Variants in TBC1D9 observed in about 807,000 individuals in gnomAD.
The protein encoded by TBC1D9 is TBC1 domain family member 9A.
Under a neutral mutation model 132.0 loss-of-function variants are expected in TBC1D9, and 63 were observed. The ratio of observed to expected loss-of-function variants is 0.48; its 90% CI spans 0.39 to 0.59. The LOEUF (loss-of-function observed/expected upper bound fraction) is 0.59, where lower values mean the gene tolerates loss of function less well. TBC1D9 is among the 20% of genes least tolerant of loss of function. The pLI, the probability that TBC1D9 is intolerant of heterozygous loss-of-function variation, is 0.00. For synonymous variants in TBC1D9, 610 were observed against 609.9 expected, an observed-to-expected ratio of 1.00 and a Z score of 0.00; for missense variants, 1,261 against 1,592.7, an observed-to-expected ratio of 0.79 and a Z score of 3.54.
intron 1 of TBC1D9, among the ~76,000 whole-genome samples, chr4:140,745,670 A>G (rs1432167912): frequency 6.6e-6 from 1 of 152,194 alleles, no homozygotes; most frequent in Non-Finnish European, 1.5e-5. Context: ...TCAACTGTTA[A>G]TGTTATCAGT....
chr4:140,703,389 C>T lies in TBC1D9; in HGVS notation c.131-1775G>A, dbSNP rs568314146. 2.6e-5 allele frequency among the ~76,000 whole-genome samples: 4 copies of T among 152,348 alleles called. No homozygotes were observed. The South Asian group carries it at 8.3e-4, about 32-fold the overall frequency. ...TGCACAATGCCACTGAAATTCACTT[C>T]CCACTGCTCTGGCATCCTGGTGTCA... On this transcript the variant is annotated intron_variant, in intron 1 of 20. Transcript: ENST00000442267.
At chr4:140,713,036 A>G (rs1436718394) in intron 1 of TBC1D9, among the ~76,000 whole-genome samples, 9 of 152,234 alleles carry the variant, frequency 5.9e-5, no homozygotes, top group Admixed American at 5.9e-4. Context: ...GTAAGTGTGC[A>G]TTCATCTAAA....
Position 140,659,579 on chromosome 4 carries a change from T to C in TBC1D9, c.1921+9A>G. The C allele has an allele frequency of 6.4e-7, 1 of 1,562,580 alleles. No homozygotes were observed. The highest frequency in any genetic ancestry group is 8.7e-7 in the Non-Finnish European group (1 of 1,148,642). On this transcript the variant is annotated intron_variant, in intron 11 of 20. Transcript: ENST00000442267. The stretch of plus-strand genomic sequence containing the variant: ...CATAGGTTGAAATGTTAAATGCATC[T>C]CCACTTACCCACAACTCTGGTGTTG...
chr4:140,679,945 A>AAT, intron 3 of TBC1D9, 102 bp from the exon 4 acceptor site: 4 of 977,826 alleles, frequency 4.1e-6, no homozygotes, highest in Non-Finnish European at 5.8e-6. Flanking sequence ...TAAAAAAAAA[A>AAT]ATTGAGGAAT....
At chr4:140,643,753 G>T in intron 13 of TBC1D9, 1 of 1,106,892 alleles carries the variant, frequency 9.0e-7, no homozygotes, top group Non-Finnish European at 1.3e-6. Flanking sequence ...CATGCTTCAG[G>T]CCCCTCCGCA....
chr4:140,709,125 C>T (rs1383564334), intron 1 of TBC1D9, among the ~76,000 whole-genome samples: 1 of 152,014 alleles, frequency 6.6e-6, no homozygotes, highest in Non-Finnish European at 1.5e-5. Context: ...CTCTCAATTT[C>T]AATAGCTGCT....
At position 140,704,941 on chromosome 4, in the gene TBC1D9, T is replaced by C. The variant is rs369735180; in HGVS notation, c.131-3327A>G. 1.7e-4 allele frequency among the ~76,000 whole-genome samples: 26 copies of C among 152,294 alleles called. No homozygotes were observed. In the East Asian group the frequency reaches 3.9e-3, roughly 23 times the overall value. ...AGACTTGGATGAAAACTAACAGATA[T>C]ACATGTACGTAGCACAGGTACATGC... On this transcript the variant is annotated intron_variant, in intron 1 of 20. Coordinates refer to ENST00000442267, the MANE Select transcript of TBC1D9 (RefSeq NM_015130.3).
chr4:140,644,989 A>G, intron 13 of TBC1D9: 1 of 464,002 alleles, frequency 2.2e-6, no homozygotes. Flanking sequence ...AGCCACATGG[A>G]CATGCTGCCC....
At chr4:140,623,101 T>C (rs1442540169) in intron 20 of TBC1D9, among the ~76,000 whole-genome samples, 184 bp from the exon 21 acceptor site, 1 of 152,226 alleles carries the variant, frequency 6.6e-6, no homozygotes, top group Non-Finnish European at 1.5e-5. Flanking sequence ...TTATTTCTTT[T>C]TGAGACAGGG....
chr4:140,628,374 C>A lies in TBC1D9; in HGVS notation c.2747-9G>T, dbSNP rs546418937. ...CCCATGGCATGCAGCACCTAGAAGT[C>A]ACATAAGTACCAATGTGAAATGCAT... On this transcript the variant is annotated splice_polypyrimidine_tract_variant and intron_variant, in intron 16 of 20. Coordinates refer to ENST00000442267, the MANE Select transcript of TBC1D9 (RefSeq NM_015130.3). 1 of 1,613,026 alleles carries A rather than the reference C, an allele frequency of 6.2e-7. No homozygotes were observed. The highest frequency in any genetic ancestry group is 1.7e-5 in the Admixed American group (1 of 60,014).
chr4:140,642,472 C>T (rs1560870433), intron 13 of TBC1D9: 2 of 966,598 alleles, frequency 2.1e-6, no homozygotes, highest in Non-Finnish European at 3.3e-6. Flanking sequence ...GCAGCCCCTG[C>T]CAGTTTTTGA....
chr4:140,675,111 A>G (rs1194786036), intron 6 of TBC1D9, among the ~76,000 whole-genome samples: 5 of 152,228 alleles, frequency 3.3e-5, no homozygotes, highest in Non-Finnish European at 5.9e-5. Flanking sequence ...TTACATCTAA[A>G]TTATATAAAT....
chr4:140,698,909 C>A (rs1361412666), intron 2 of TBC1D9, among the ~76,000 whole-genome samples: 2 of 152,114 alleles, frequency 1.3e-5, no homozygotes, highest in Non-Finnish European at 2.9e-5. Flanking sequence ...TAGTTGGATG[C>A]CCAGAAATTA....
chr4:140,732,415 T>C (rs1738607764), intron 1 of TBC1D9, among the ~76,000 whole-genome samples: 1 of 152,224 alleles, frequency 6.6e-6, no homozygotes, highest in African/African-American at 2.4e-5. Flanking sequence ...AAATACATTC[T>C]GCCTTAATAG....
chr4:140,693,013 G>A (rs185701372), intron 2 of TBC1D9, among the ~76,000 whole-genome samples: 1 of 151,816 alleles, frequency 6.6e-6, no homozygotes, highest in East Asian at 1.9e-4. Context: ...CCACTCCAGA[G>A]TGAGACCCTG....
intron 1 of TBC1D9, among the ~76,000 whole-genome samples, chr4:140,751,454 G>A (rs1331315499): frequency 6.6e-6 from 1 of 152,156 alleles, no homozygotes; most frequent in Non-Finnish European, 1.5e-5. Context: ...ATCTGTACAT[G>A]TTAAGGTGGG....
In TBC1D9 at chr4:140,669,792, G is replaced by A. The variant is rs1048203850; in HGVS notation, c.1279C>T (p.Pro427Ser). 17 of 1,613,486 alleles carry A rather than the reference G, an allele frequency of 1.1e-5. No individual in the cohort carries two copies. Among genetic ancestry groups the A allele is most frequent in the African/African-American group, 1.3e-5 (1 of 74,920 alleles). The change falls in exon 8 of 21, where the codon CCC becomes TCC. Residue 427 changes from proline (P) to serine (S), a missense_variant. Transcript: ENST00000442267. ...NSSDDEVYSR[P>S]SSLVSSSPQR... Reference sequence around the variant, plus strand: ...GGGCTGGAGGAGACGAGGCTGCTGGGTCGAGAGTACACCTGTCAATACAGA... The same window carrying A: ...GGGCTGGAGGAGACGAGGCTGCTGGATCGAGAGTACACCTGTCAATACAGA...
chr4:140,638,789 G>C (rs1736919147), intron 15 of TBC1D9, among the ~76,000 whole-genome samples: 1 of 152,080 alleles, frequency 6.6e-6, no homozygotes, highest in Non-Finnish European at 1.5e-5. Flanking sequence ...AATAATTCAA[G>C]CAGAACTTAA....
Position 140,622,471 on chromosome 4 carries a change from C to G in TBC1D9, c.3525G>C (p.Glu1175Asp), listed in dbSNP as rs888482138. The change falls in exon 21 of 21, where the codon GAG becomes GAC. Residue 1175 changes from glutamate to aspartate, a missense_variant. By Grantham distance (45) the Glu-to-Asp change is conservative (BLOSUM62 2). This residue lies in a region of TBC1D9 where 618 missense variants were observed against 724.4 expected (regional missense o/e 0.85). Coordinates refer to ENST00000442267, the MANE Select transcript of TBC1D9 (RefSeq NM_015130.3). ...YSVLSAGSHEEDKLHCEDIGE... is the reference protein window; with the variant it reads ...YSVLSAGSHEDDKLHCEDIGE... ...CGATGTCCTCGCAGTGCAGCTTGTC[C>G]TCCTCGTGGGAGCCGGCACTCAGCA... 1 of 1,614,056 alleles carries G rather than the reference C, an allele frequency of 6.2e-7. No individual in the cohort carries two copies. Among genetic ancestry groups the G allele is most frequent in the Non-Finnish European group, 8.5e-7 (1 of 1,179,894 alleles).
Sources: gnomAD v4.1 joint callset for allele counts (sites outside exome capture counted in the v4.1 genomes callset) on GRCh38, gnomAD v4.1.1 for gene constraint, gnomAD v4.1.1 regional missense constraint, MANE v1.5 for transcripts, NCBI Gene and HGNC (gene_info 2026-07-23, HGNC 2026-07-21) for gene names.